The following ZMYND12 variants were observed in gnomAD, a reference collection of about 807,000 sequenced individuals.
The protein encoded by ZMYND12 is zinc finger MYND domain-containing protein 12.
A neutral mutation model predicts 41.7 loss-of-function variants in ZMYND12; 32 were observed. The ratio of observed to expected loss-of-function variants is 0.77; its 90% CI spans 0.58 to 1.03. The LOEUF is 1.03. Ranked by LOEUF, ZMYND12 falls within the 50% of genes least tolerant of loss-of-function variation. ZMYND12 has a pLI of 0.00. For synonymous variants in ZMYND12, 148 were observed against 164.8 expected, an observed-to-expected ratio of 0.90 and a Z score of 0.78; for missense variants, 424 against 438.5, an observed-to-expected ratio of 0.97 and a Z score of 0.30.
At chr1:42,447,333 C>T (rs574936187) in intron 3 of ZMYND12, among the ~76,000 whole-genome samples, 2 of 152,274 alleles carry the variant, frequency 1.3e-5, no homozygotes, top group African/African-American at 4.8e-5. Context: ...CAGACAAACT[C>T]AAATTGAGAA....
chr1:42,437,360 C>T (rs369540493), intron 4 of ZMYND12, among the ~76,000 whole-genome samples: 5 of 151,688 alleles, frequency 3.3e-5, no homozygotes, highest in African/African-American at 9.7e-5. Flanking sequence ...CTAATGGTTG[C>T]GCTACTCTGT....
chr1:42,435,425 ACCT>A, intron 5 of ZMYND12, 40 bp from the exon 6 acceptor site: 1 of 1,508,630 alleles, frequency 6.6e-7, no homozygotes, highest in Non-Finnish European at 9.2e-7. Context: ...AGCAGGCCAG[ACCT>A]CAGCCGTCGG....
At position 42,436,490 on chromosome 1, in the gene ZMYND12, G is replaced by C. The variant is rs769219437; in HGVS notation, c.648C>G (p.Gly216=). Residue 216 remains glycine, a synonymous_variant, in exon 5 of 8, where the codon GGC becomes GGG. Coordinates refer to ENST00000372565, the MANE Select transcript of ZMYND12 (RefSeq NM_032257.5). ...AGAATATATTAGCCAGGTGGAAGTA[G>C]CCTCCTGAAGTCCTAATGTCCTCTG... ...FGTEDIRTSG[G]YFHLANIFYD... The C allele has an allele frequency of 3.7e-6, 6 of 1,613,722 alleles. No homozygotes were observed. In the East Asian group the frequency reaches 1.3e-4, roughly 36 times the overall value.
chr1:42,447,864 G>A (rs1643040152), intron 3 of ZMYND12, among the ~76,000 whole-genome samples: 1 of 152,072 alleles, frequency 6.6e-6, no homozygotes, highest in Non-Finnish European at 1.5e-5. Flanking sequence ...CCATCTATAG[G>A]GGTGGGTTCC....
intron 1 of ZMYND12, among the ~76,000 whole-genome samples, chr1:42,455,445 G>T (rs1040086330): frequency 6.6e-6 from 1 of 152,204 alleles, no homozygotes; most frequent in African/African-American, 2.4e-5. Context: ...CCTAATTTTT[G>T]TATTTTTTAG....
intron 3 of ZMYND12, among the ~76,000 whole-genome samples, 162 bp from the exon 4 acceptor site, chr1:42,440,187 T>TA (rs56897340): frequency 0.19 from 24,994 of 133,392 alleles, 2,289 homozygotes; most frequent in East Asian, 0.25. Context: ...TTTGGAAGAG[T>TA]AAAAAAAAAA....
intron 2 of ZMYND12, among the ~76,000 whole-genome samples, 173 bp downstream of exon 2, chr1:42,449,745 T>C (rs1342373871): frequency 6.6e-6 from 1 of 152,206 alleles, no homozygotes; most frequent in Non-Finnish European, 1.5e-5. Flanking sequence ...AGTAAGTATT[T>C]AGTAAATGTG....
intron 3 of ZMYND12, 85 bp downstream of exon 3, chr1:42,448,382 G>A: frequency 1.4e-6 from 2 of 1,394,268 alleles, no homozygotes; most frequent in Non-Finnish European, 1.9e-6. Flanking sequence ...TGGTGCCACT[G>A]TCAAGGGTGA....
At chr1:42,449,864 T>G in intron 2 of ZMYND12, 54 bp downstream of exon 2, 20 of 1,596,668 alleles carry the variant, frequency 1.3e-5, no homozygotes, top group Non-Finnish European at 1.6e-5. Flanking sequence ...AGCCTTGTCT[T>G]GGGCAGCTTC....
intron 3 of ZMYND12, among the ~76,000 whole-genome samples, chr1:42,441,613 ATTGTTTTGTT>A (rs149918890): frequency 6.7e-6 from 1 of 150,362 alleles, no homozygotes; most frequent in Non-Finnish European, 1.5e-5. Context: ...AACATCATGT[ATTGTTTTGTT>A]TTGTTTTGTT....
chr1:42,439,102 G>A (rs1642937771), intron 4 of ZMYND12, among the ~76,000 whole-genome samples: 1 of 152,088 alleles, frequency 6.6e-6, no homozygotes, highest in African/African-American at 2.4e-5. Flanking sequence ...AATAGCCAAG[G>A]TACTATACAT....
intron 4 of ZMYND12, 140 bp downstream of exon 4, chr1:42,439,716 A>C (rs1007049274): frequency 2.2e-6 from 2 of 905,416 alleles, no homozygotes; most frequent in Non-Finnish European, 3.2e-6. Context: ...TATGGCTAAC[A>C]TCCCACCAAA....
rs375652192 is a variant in ZMYND12 at position 42,440,004 on chromosome 1, G to A, written c.446C>T (p.Ala149Val). ...CTGGGCTTGGAATAGATATTCTTCA[G>A]CCTGAACGATTCGGCCCAGACCTGC... ...ASLGLGRIVQ[A>V]EEYLFQAQWT... The change falls in exon 4 of 8, where the codon GCT (alanine) becomes GTT (valine). Residue 149 changes from alanine (A) to valine (V), a missense_variant. Ala to Val is a moderately conservative substitution (Grantham distance 64). Coordinates refer to ENST00000372565, the MANE Select transcript of ZMYND12 (RefSeq NM_032257.5). 8.7e-6 allele frequency: 14 copies of A among 1,611,230 alleles called. No homozygotes were observed. Among genetic ancestry groups the A allele is most frequent in the Non-Finnish European group, 1.0e-5 (12 of 1,179,226 alleles).
At position 42,433,220 on chromosome 1, in the gene ZMYND12, C is replaced by A; in HGVS notation, c.898G>T (p.Asp300Tyr). 1 of 1,612,926 alleles carries A rather than the reference C, an allele frequency of 6.2e-7. No homozygotes were observed. Among genetic ancestry groups the A allele is most frequent in the Non-Finnish European group, 8.5e-7 (1 of 1,179,564 alleles). Residue 300 changes from aspartate to tyrosine, a missense_variant, in exon 7 of 8, where the codon GAC becomes TAC. Transcript: ENST00000372565. ...AAGATGGTTTTTTGGGGGGCTTTGT[C>A]AGATGTAGATTCTCGAATGTTCAAG... ...SILNIRESTS[D>Y]KAPQKTIFVL...
At chr1:42,448,918 G>A (rs1168529781) in intron 2 of ZMYND12, among the ~76,000 whole-genome samples, 1 of 152,182 alleles carries the variant, frequency 6.6e-6, no homozygotes, top group Admixed American at 6.5e-5. Context: ...GAATAAATGA[G>A]TATTGTTTTT....
rs536210022 is a variant in ZMYND12, at chr1:42,451,338, G to T, written c.111-1279C>A. Among the ~76,000 whole-genome samples the T allele has an allele frequency of 2.0e-5, 3 of 152,226 alleles. No homozygotes were observed. In the East Asian group the frequency reaches 5.8e-4, roughly 29 times the overall value. On this transcript the variant is annotated intron_variant, in intron 1 of 7. Coordinates refer to ENST00000372565, the MANE Select transcript of ZMYND12 (RefSeq NM_032257.5). ...TGTCTGTTTTTGCTGCATGTATTTT[G>T]AGGCTCTGTTGTTAGATGCATAGTC... is the stretch of plus-strand genomic sequence containing the variant.
rs1642951142 is a variant in ZMYND12, at chr1:42,439,976, C to T, written c.474G>A (p.Trp158Ter). ...TACAGTCAGTTGATTTGAGGACTGTCCACTGGGCTTGGAATAGATATTCTT... is the reference window on the plus strand; with the variant it reads ...TACAGTCAGTTGATTTGAGGACTGTTCACTGGGCTTGGAATAGATATTCTT... ...QAEEYLFQAQ[W>*]TVLKSTDCSN... The change falls in exon 4 of 8, where the codon TGG (tryptophan) becomes TGA (stop). Residue 158 changes from tryptophan (W) to a stop codon, truncating the protein, a stop_gained. Coordinates refer to ENST00000372565, the MANE Select transcript of ZMYND12 (RefSeq NM_032257.5). LOFTEE classifies it high-confidence loss of function. 2 of 1,613,620 alleles carry T rather than the reference C, an allele frequency of 1.2e-6. No individual in the cohort carries two copies. The highest frequency in any genetic ancestry group is 1.7e-6 in the Non-Finnish European group (2 of 1,179,932).
chr1:42,443,236 C>T (rs1046082885), intron 3 of ZMYND12, among the ~76,000 whole-genome samples: 2 of 152,168 alleles, frequency 1.3e-5, no homozygotes, highest in Non-Finnish European at 2.9e-5. Flanking sequence ...GAATGGGCTA[C>T]TACTAGCCCA....
chr1:42,442,051 G>A (rs1469223967), intron 3 of ZMYND12, among the ~76,000 whole-genome samples: 1 of 152,106 alleles, frequency 6.6e-6, no homozygotes, highest in East Asian at 1.9e-4. Flanking sequence ...GGCCTGTGAT[G>A]CTGGAGCACA....
Sources: gnomAD v4.1 joint callset for allele counts (sites outside exome capture counted in the v4.1 genomes callset) on GRCh38, gnomAD v4.1.1 for gene constraint, MANE v1.5 for transcripts, NCBI Gene and HGNC (gene_info 2026-07-23, HGNC 2026-07-21) for gene names.